The following KALRN variants were observed in gnomAD, a reference collection of about 807,000 sequenced individuals.
KALRN encodes the protein kalirin.
A neutral mutation model predicts 353.7 loss-of-function variants in KALRN; 70 were observed. The ratio of observed to expected loss-of-function variants is 0.20; its 90% CI spans 0.16 to 0.24. The LOEUF (loss-of-function observed/expected upper bound fraction) is 0.24. KALRN is among the 10% of genes least tolerant of loss of function. The pLI is 1.00. For synonymous variants in KALRN, 1,391 were observed against 1,434.8 expected (o/e 0.97, Z 0.69); for missense variants, 2,791 against 3,756.7 (o/e 0.74, Z 6.72).
intron 1 of KALRN, among the ~76,000 whole-genome samples, chr3:124,056,458 C>T (rs2041548250): frequency 6.6e-6 from 1 of 152,150 alleles, no homozygotes; most frequent in African/African-American, 2.4e-5. Flanking sequence ...TGATTCTGGG[C>T]AGGCCACTGT....
rs1301648767 is a variant in KALRN at position 124,721,391 on chromosome 3, C to G, written c.*1921C>G. 1 of 152,226 alleles carries G rather than the reference C, an allele frequency of 6.6e-6. No individual in the cohort carries two copies. The highest frequency in any genetic ancestry group is 1.5e-5 in the Non-Finnish European group (1 of 68,026). The allele number at this position is 152,226 out of a possible 1,614,324, so 9.4% of individuals were successfully genotyped here. On this transcript the variant is annotated 3_prime_UTR_variant, in exon 60 of 60. Transcript: ENST00000682506. ...CCTGGGTCATAAAGCCTCACTCCCT[C>G]AGAGGTCTCTCGACTAACCCCTATA... is the stretch of plus-strand genomic sequence containing the variant.
intron 1 of KALRN, among the ~76,000 whole-genome samples, chr3:124,035,454 G>T (rs1309846305): frequency 6.6e-6 from 1 of 152,082 alleles, no homozygotes; most frequent in African/African-American, 2.4e-5. Context: ...GCAAAAGTCT[G>T]CATTTTCTTA....
rs187659435 is a variant in KALRN, at chr3:124,228,792, T to A, written c.148+728T>A. ...TTCTGGAAGCCAGAAATCCGTTTCA[T>A]GGGGCTGAAATCTAGGGGTCAGCAG... On this transcript the variant is annotated intron_variant, in intron 2 of 59. Coordinates refer to ENST00000682506, the MANE Select transcript of KALRN (RefSeq NM_001388419.1). Among the ~76,000 whole-genome samples the A allele has an allele frequency of 2.0e-3, 311 of 152,338 alleles. 2 individuals are homozygous for A. The highest frequency in any genetic ancestry group is 7.3e-3 in the African/African-American group (304 of 41,586).
chr3:124,531,048 CTGGT>C (rs1254224554), intron 33 of KALRN, among the ~76,000 whole-genome samples: 1 of 152,188 alleles, frequency 6.6e-6, no homozygotes, highest in African/African-American at 2.4e-5. Context: ...CAGGGATTCT[CTGGT>C]TGACCAACTT....
At chr3:124,237,537 A>C (rs112660998) in intron 3 of KALRN, among the ~76,000 whole-genome samples, 14,016 of 151,698 alleles carry the variant, frequency 0.092, 1,819 homozygotes, top group East Asian at 0.64. Flanking sequence ...TAATTTTTGT[A>C]TTTTTATTAG....
intron 47 of KALRN, among the ~76,000 whole-genome samples, chr3:124,668,599 A>AAGCAAT (rs2085974738): frequency 6.6e-6 from 1 of 152,356 alleles, no homozygotes; most frequent in African/African-American, 2.4e-5. Flanking sequence ...TGAGACTTCA[A>AAGCAAT]AGCAATTTTG....
chr3:124,384,574 G>A (rs550231673), intron 10 of KALRN: 1 of 324,916 alleles, frequency 3.1e-6, no homozygotes, highest in South Asian at 1.0e-4. Flanking sequence ...CTGGGGTATG[G>A]AGGTTCTCTA....
At chr3:124,119,177 A>C (rs2063738833) in intron 1 of KALRN, among the ~76,000 whole-genome samples, 1 of 152,132 alleles carries the variant, frequency 6.6e-6, no homozygotes. Flanking sequence ...GTGGAAGCTG[A>C]CTGACAGGGC....
intron 34 of KALRN, among the ~76,000 whole-genome samples, chr3:124,615,736 C>T (rs946996429): frequency 2.6e-5 from 4 of 152,250 alleles, no homozygotes; most frequent in African/African-American, 9.6e-5. Flanking sequence ...TTTTCCTAGC[C>T]GTGTGTATCT....
chr3:124,661,991 C>A, intron 45 of KALRN, 63 bp downstream of exon 45: 1 of 1,321,618 alleles, frequency 7.6e-7, no homozygotes, highest in East Asian at 2.3e-5. Flanking sequence ...CAGACTGTTG[C>A]GGCTTCCTCC....
chr3:124,109,776 CAT>C (rs1218225660), intron 1 of KALRN, among the ~76,000 whole-genome samples: 1 of 64,434 alleles, frequency 1.6e-5, no homozygotes, highest in Admixed American at 1.8e-4. Flanking sequence ...ATATATATGA[CAT>C]ATATATCATA....
intron 34 of KALRN, among the ~76,000 whole-genome samples, chr3:124,632,113 C>G (rs1031757572): frequency 6.6e-6 from 1 of 152,180 alleles, no homozygotes; most frequent in East Asian, 1.9e-4. Context: ...TTTCATTTTG[C>G]TTATTTTATT....
chr3:124,627,299 A>G (rs1298453200), intron 34 of KALRN, among the ~76,000 whole-genome samples: 2 of 152,232 alleles, frequency 1.3e-5, no homozygotes, highest in African/African-American at 4.8e-5. Flanking sequence ...CCATGGTTGC[A>G]TGGCTCCAGT....
chr3:124,281,921 C>T (rs933081918), intron 5 of KALRN, among the ~76,000 whole-genome samples: 3 of 152,218 alleles, frequency 2.0e-5, no homozygotes, highest in Non-Finnish European at 4.4e-5. Context: ...AAGAGCACCA[C>T]CTACTGCTGA....
rs185038144 is a variant in KALRN at position 124,678,889 on chromosome 3, A to C, written c.7318-569A>C. ...ATAATCCATCTACTACTTTGAACTC[A>C]TGAATTCTAAGCTTGGCAGACTCTT... is the stretch of plus-strand genomic sequence containing the variant. On this transcript the variant is annotated intron_variant, in intron 50 of 59. Transcript: ENST00000682506. Among the ~76,000 whole-genome samples, 3 of 152,336 alleles carry C rather than the reference A, an allele frequency of 2.0e-5. No homozygotes were observed. The South Asian group carries it at 6.2e-4, about 32-fold the overall frequency.
At position 124,055,733 on chromosome 3, in the gene KALRN, C is replaced by G. The variant is rs377580962; in HGVS notation, c.73+21920C>G. On this transcript the variant is annotated intron_variant, in intron 1 of 59. Transcript: ENST00000682506. ...TCCTGGAGGCCCTAGAGCCATAGAA[C>G]TCCAGATTTGATGGGATCTGACTAC... is the stretch of plus-strand genomic sequence containing the variant. Among the ~76,000 whole-genome samples, 4 of 152,334 alleles carry G rather than the reference C, an allele frequency of 2.6e-5. No homozygotes were observed. In the South Asian group the frequency reaches 8.3e-4, roughly 32 times the overall value.
chr3:124,116,254 A>G (rs766969002), intron 1 of KALRN, among the ~76,000 whole-genome samples: 1 of 152,230 alleles, frequency 6.6e-6, no homozygotes, highest in African/African-American at 2.4e-5. Context: ...AAAATAGCAT[A>G]GACAGATAGT....
At chr3:124,335,030 G>A (rs1171001907) in intron 9 of KALRN, among the ~76,000 whole-genome samples, 1 of 152,132 alleles carries the variant, frequency 6.6e-6, no homozygotes, top group African/African-American at 2.4e-5. Flanking sequence ...CCTGACTTCA[G>A]GTGACCCGCC....
At chr3:124,075,955 G>A (rs1488948674) in intron 1 of KALRN, among the ~76,000 whole-genome samples, 1 of 152,190 alleles carries the variant, frequency 6.6e-6, no homozygotes. Context: ...ACGGCCCAAG[G>A]TCGCCAGCCT....
Sources: allele counts gnomAD v4.1 joint callset (sites outside exome capture counted in the v4.1 genomes callset), GRCh38; gene constraint gnomAD v4.1.1; transcripts MANE v1.5; gene names NCBI Gene and HGNC (gene_info 2026-07-23, HGNC 2026-07-21).